CACNA1S: variants seen among roughly 807,000 people sequenced by gnomAD.
The protein encoded by CACNA1S is voltage-dependent L-type calcium channel subunit alpha-1S.
Under a neutral mutation model 207.4 loss-of-function variants are expected in CACNA1S, and 126 were observed. That is an observed-to-expected ratio of 0.61 (90% CI 0.53 to 0.70). The LOEUF is 0.70. CACNA1S is among the 30% of genes least tolerant of loss of function. The pLI is 0.00. For missense variants in CACNA1S, 2,349 were observed against 2,422.8 expected (o/e 0.97, Z 0.64); for synonymous variants, 960 against 932.7 (o/e 1.03, Z -0.53).
intron 2 of CACNA1S, 90 bp downstream of exon 2, chr1:201,110,074 A>G (rs1572078255): frequency 1.4e-5 from 17 of 1,180,842 alleles, no homozygotes; most frequent in South Asian, 9.8e-5. Context: ...AACCACCGGC[A>G]CCATCCCCCA....
chr1:201,061,208 G>A (rs1661034173), intron 25 of CACNA1S, 59 bp downstream of exon 25: 1 of 1,489,032 alleles, frequency 6.7e-7, no homozygotes, highest in South Asian at 1.1e-5. Context: ...CCTAGGGCTT[G>A]GGCCAGCAGG....
chr1:201,087,589 C>T (rs1662076380), intron 7 of CACNA1S, among the ~76,000 whole-genome samples: 1 of 151,986 alleles, frequency 6.6e-6, no homozygotes, highest in African/African-American at 2.4e-5. Context: ...TTCCTGCTCA[C>T]CAGGAAGGAA....
chr1:201,063,843 G>C lies in CACNA1S; in HGVS notation c.2854-1329C>G, dbSNP rs539924012. The stretch of plus-strand genomic sequence containing the variant: ...TGGGGGTAAGCAGAGAGTGGATAGA[G>C]CTGCCACTGGGCAGGGTCTGGGCAC... On this transcript the variant is annotated intron_variant, in intron 22 of 43. Coordinates refer to ENST00000362061, the MANE Select transcript of CACNA1S (RefSeq NM_000069.3). Among the ~76,000 whole-genome samples the C allele has an allele frequency of 7.2e-5, 11 of 152,330 alleles. No individual in the cohort carries two copies. The South Asian group carries it at 2.3e-3, about 32-fold the overall frequency.
chr1:201,063,934 G>A (rs774138484), intron 22 of CACNA1S, among the ~76,000 whole-genome samples: 2 of 152,226 alleles, frequency 1.3e-5, no homozygotes, highest in African/African-American at 2.4e-5. Context: ...TGGAATGCAC[G>A]TGGTGTTTCC....
intron 4 of CACNA1S, 58 bp downstream of exon 4, chr1:201,091,914 G>A: frequency 1.9e-6 from 3 of 1,611,258 alleles, no homozygotes; most frequent in Admixed American, 1.7e-5. Context: ...CCAGAACTGG[G>A]GGACAAGGGA....
intron 25 of CACNA1S, 129 bp from the exon 26 acceptor site, chr1:201,060,945 C>A (rs1176936895): frequency 8.8e-7 from 1 of 1,142,508 alleles, no homozygotes; most frequent in South Asian, 1.2e-5. Context: ...GGACTGTGAA[C>A]TGTTTAGGGG....
At position 201,040,633 on chromosome 1, in the gene CACNA1S, C is replaced by T. The variant is rs542268566; in HGVS notation, c.5215G>A (p.Ala1739Thr). 8 of 1,613,756 alleles carry T rather than the reference C, an allele frequency of 5.0e-6. No homozygotes were observed. The South Asian group carries it at 6.6e-5, about 13-fold the overall frequency. Residue 1739 changes from alanine to threonine, a missense_variant, in exon 42 of 44, where the codon GCC (alanine) becomes ACC (threonine). Ala to Thr is a moderately conservative substitution (Grantham distance 58). Coordinates refer to ENST00000362061, the MANE Select transcript of CACNA1S (RefSeq NM_000069.3). ...RAMPRGQAPP[A>T]PCQCPRVESS... ...TCTGCCACTGTTACCTGGCAGGGGG[C>T]AGGAGGTGCCTGGCCTCTGGGCATT...
Position 201,053,642 on chromosome 1 carries a change from GGGGCA to G in CACNA1S, c.3667-60_3667-56del. ...TGGGGGCAGAACCTCAGAGGGGTAA[GGGGCA>G]GGGCGGGGAGGGAGGTGCACTGTGT... On this transcript the variant is annotated intron_variant, in intron 29 of 43. Coordinates refer to ENST00000362061, the MANE Select transcript of CACNA1S (RefSeq NM_000069.3). The surrounding 1 kb of genome is among the most constrained non-coding windows in gnomAD (Gnocchi z 5.1). The G allele has an allele frequency of 6.5e-7, 1 of 1,550,116 alleles. No homozygotes were observed. Among genetic ancestry groups the G allele is most frequent in the Non-Finnish European group, 8.9e-7 (1 of 1,124,306 alleles).
chr1:201,044,467 C>T lies in CACNA1S; in HGVS notation c.4669-11G>A, dbSNP rs376672151. 9.6e-5 allele frequency: 154 copies of T among 1,610,804 alleles called. No individual in the cohort carries two copies. Among genetic ancestry groups the T allele is most frequent in the South Asian group, 4.1e-4 (37 of 91,060 alleles). On this transcript the variant is annotated splice_polypyrimidine_tract_variant and intron_variant, in intron 38 of 43. Transcript: ENST00000362061. Reference sequence around the variant, plus strand: ...GGTCCGCAGCCCTGCCTGGGGATGACGAAGGGACTCAGTTATCTCTCCAGC... The same window carrying T: ...GGTCCGCAGCCCTGCCTGGGGATGATGAAGGGACTCAGTTATCTCTCCAGC...
chr1:201,065,924 C>G lies in CACNA1S; in HGVS notation c.2767G>C (p.Val923Leu), dbSNP rs571902899. 4.3e-6 allele frequency: 7 copies of G among 1,613,306 alleles called. No individual in the cohort carries two copies. In the Admixed American group the frequency reaches 8.3e-5, roughly 19 times the overall value. ...ATGTTCCCGATGGTGCTGATGGCCA[C>G]GAACATGCACTGCACCACGTGCTGG... ...GLKHVVQCMF[V>L]AISTIGNIVL... Residue 923 changes from valine to leucine, a missense_variant, in exon 22 of 44, where the codon GTG becomes CTG. Transcript: ENST00000362061.
intron 2 of CACNA1S, among the ~76,000 whole-genome samples, chr1:201,100,101 T>G (rs1201173385): frequency 6.6e-6 from 1 of 152,164 alleles, no homozygotes; most frequent in Admixed American, 6.5e-5. Flanking sequence ...AGCACCAGAA[T>G]AGCTGCAGTG....
At position 201,040,073 on chromosome 1, in the gene CACNA1S, G is replaced by A. The variant is rs775764917; in HGVS notation, c.5380C>T (p.Arg1794Ter). The A allele has an allele frequency of 8.7e-6, 14 of 1,614,186 alleles. No individual in the cohort carries two copies. Among genetic ancestry groups the A allele is most frequent in the South Asian group, 5.5e-5 (5 of 91,080 alleles). The stretch of plus-strand genomic sequence containing the variant: ...GCTGCCAAGGTGCCCAGGCCCCCTC[G>A]AACCAGAGCCTGCAGGGAGGAGAGT... ...TALLIQKALV[R>*]GGLGTLAADA... The change falls in exon 44 of 44, where the codon CGA becomes TGA. Residue 1794 changes from arginine to a stop codon, truncating the protein, a stop_gained. Transcript: ENST00000362061. LOFTEE classifies it low-confidence loss of function (END_TRUNC).
At position 201,066,061 on chromosome 1, in the gene CACNA1S, G is replaced by A. The variant is rs1661227598; in HGVS notation, c.2746-116C>T. ...TGCCTCCTGATGAGTTGGAGGTGGG[G>A]AAAGGCTGGTGGGGAAGCATAGCTA... On this transcript the variant is annotated intron_variant, in intron 21 of 43. Transcript: ENST00000362061. This position sits in a 1 kb window ranked among gnomAD's most constrained non-coding sequence, Gnocchi z 4.3. 2.1e-6 allele frequency: 2 copies of A among 941,922 alleles called. No individual in the cohort carries two copies. The highest frequency in any genetic ancestry group is 1.4e-5 in the South Asian group (1 of 72,358). 58.3% of individuals were successfully genotyped at this position (941,922 alleles called of 1,614,324 possible).
rs1448450110 is a variant in CACNA1S, at chr1:201,112,328, G to A, written c.12C>T (p.Ser4=). 4.3e-6 allele frequency: 7 copies of A among 1,613,450 alleles called. No homozygotes were observed. The part of the protein sequence containing the change: MEP[S]SPQDEGLRKK... ...TCCTCAGGCCTTCATCCTGGGGTGA[G>A]GATGGCTCCATGGCTTCCCTGGGAA... is the stretch of plus-strand genomic sequence containing the variant. The change falls in exon 1 of 44, where the codon TCC becomes TCT. Residue 4 remains serine (S), a synonymous_variant. Coordinates refer to ENST00000362061, the MANE Select transcript of CACNA1S (RefSeq NM_000069.3).
chr1:201,047,196 G>A lies in CACNA1S; in HGVS notation c.4587C>T (p.Ile1529=), dbSNP rs1182235311. The change falls in exon 38 of 44, where the codon ATC becomes ATT. Residue 1529 remains isoleucine (I), a synonymous_variant. Transcript: ENST00000362061. The stretch of plus-strand genomic sequence containing the variant: ...TCATGAACTTCCGGAAGTGCTCCTG[G>A]ATGAGGAATGTGGCGTAGAACTTCC... ...TVGKFYATFL[I]QEHFRKFMKR... 2 of 1,614,144 alleles carry A rather than the reference G, an allele frequency of 1.2e-6. No individual in the cohort carries two copies. Among genetic ancestry groups the A allele is most frequent in the Admixed American group, 1.7e-5 (1 of 60,028 alleles).
intron 2 of CACNA1S, among the ~76,000 whole-genome samples, chr1:201,106,609 TC>T (rs1209725366): frequency 1.3e-5 from 2 of 152,176 alleles, no homozygotes; most frequent in Non-Finnish European, 2.9e-5. Context: ...TCAGCCCCTT[TC>T]TCAGCCTACT....
rs1407084087 is a variant in CACNA1S at position 201,049,190 on chromosome 1, C to G, written c.4242-91G>C. On this transcript the variant is annotated intron_variant, in intron 34 of 43. Transcript: ENST00000362061. ...GAGGATGGGCAATGGGAAAGAAAGC[C>G]AGGAAACAGGGGAGCATTTCCTTAT... The G allele has an allele frequency of 4.7e-6, 4 of 858,670 alleles. No individual in the cohort carries two copies. In the African/African-American group the frequency reaches 6.7e-5, roughly 14 times the overall value. The allele number at this position is 858,670 out of a possible 1,614,324, so 53.2% of individuals were successfully genotyped here.
chr1:201,074,364 G>T, intron 14 of CACNA1S, 142 bp downstream of exon 14: 1 of 699,102 alleles, frequency 1.4e-6, no homozygotes, highest in Non-Finnish European at 2.6e-6. Flanking sequence ...CCATGTGCAG[G>T]TTACAGAAGT....
rs1661696419 is a variant in CACNA1S at position 201,078,045 on chromosome 1, CG to C, written c.1452del (p.Tyr484Ter). On this transcript the variant is annotated frameshift_variant, in exon 11 of 44. Coordinates refer to ENST00000362061, the MANE Select transcript of CACNA1S (RefSeq NM_000069.3). LOFTEE classifies it high-confidence loss of function. Reference sequence around the variant, plus strand: ...ATGAAGTACTGGCGCAGGCCCAGCCCGTACATCTTCATCAGCATCTCAGTGG... The same window carrying C: ...ATGAAGTACTGGCGCAGGCCCAGCCCTACATCTTCATCAGCATCTCAGTGG... The part of the protein sequence containing the change: ...LFTTEMLMKM[Y>X]GLGLRQYFMS... 6.2e-7 allele frequency: 1 copy of C among 1,614,096 alleles called. No homozygotes were observed. Among genetic ancestry groups the C allele is most frequent in the South Asian group, 1.1e-5 (1 of 91,080 alleles).
Sources: allele counts gnomAD v4.1 joint callset (sites outside exome capture counted in the v4.1 genomes callset), GRCh38; gene constraint gnomAD v4.1.1; non-coding constraint Gnocchi (gnomAD v3.1); transcripts MANE v1.5; gene names NCBI Gene and HGNC (gene_info 2026-07-23, HGNC 2026-07-21).